NECAB1: variants seen among roughly 807,000 people sequenced by gnomAD.
NECAB1 encodes N-terminal EF-hand calcium-binding protein 1.
A neutral mutation model predicts 57.5 loss-of-function variants in NECAB1; 29 were observed. The ratio of observed to expected loss-of-function variants is 0.50; its 90% CI spans 0.38 to 0.69. The LOEUF (loss-of-function observed/expected upper bound fraction) is 0.69, where lower values mean the gene tolerates loss of function less well. NECAB1 is among the 30% of genes least tolerant of loss of function. The probability of loss-of-function intolerance (pLI) is 0.00; values close to 1 mark genes in which losing one functional copy is unlikely to be tolerated. For missense variants in NECAB1, 372 were observed against 413.8 expected, an observed-to-expected ratio of 0.90 and a Z score of 0.88; for synonymous variants, 142 against 147.7, an observed-to-expected ratio of 0.96 and a Z score of 0.28.
chr8:90,881,080 C>T lies in NECAB1; in HGVS notation c.307C>T (p.Leu103Phe), dbSNP rs1338436549. The change falls in exon 5 of 13, where the codon CTT (leucine) becomes TTT (phenylalanine). Residue 103 changes from leucine to phenylalanine, a missense_variant. Leu to Phe is a conservative substitution (Grantham distance 22). Coordinates refer to ENST00000417640, the MANE Select transcript of NECAB1 (RefSeq NM_022351.5). ...CGAGTATGAGAATGTACTAGCAGCA[C>T]TTGAAGACCTGAATCTTTCCATCCT... is the stretch of plus-strand genomic sequence containing the variant. ...LGEYENVLAA[L>F]EDLNLSILKA... is the part of the protein sequence containing the mutation. 1.2e-6 allele frequency: 2 copies of T among 1,608,038 alleles called. No individual in the cohort carries two copies. The highest frequency in any genetic ancestry group is 1.7e-6 in the Non-Finnish European group (2 of 1,177,094).
chr8:90,872,151 G>T lies in NECAB1; in HGVS notation c.257G>T (p.Cys86Phe). 1 of 1,548,518 alleles carries T rather than the reference G, an allele frequency of 6.5e-7. No homozygotes were observed. Among genetic ancestry groups the T allele is most frequent in the Non-Finnish European group, 8.7e-7 (1 of 1,144,652 alleles). ...AGTAATCTTGACACAGAAGAGCTAT[G>T]TGGTAAGTGTTTCTTTAAGATCAGT... ...NTNNLDTEEL[C>F]EYFSQHLGEY... The change falls in exon 4 of 13, where the codon TGT becomes TTT. Residue 86 changes from cysteine (C) to phenylalanine (F), a missense_variant and splice_region_variant. By Grantham distance (205) the Cys-to-Phe change is radical (BLOSUM62 -2). Transcript: ENST00000417640.
intron 5 of NECAB1, among the ~76,000 whole-genome samples, chr8:90,906,078 T>C (rs187750101): frequency 1.2e-4 from 19 of 152,312 alleles, no homozygotes; most frequent in African/African-American, 4.1e-4. Context: ...TGCGGGTAGA[T>C]TGGCATTTTT....
intron 5 of NECAB1, among the ~76,000 whole-genome samples, chr8:90,897,283 TTTG>T (rs1205503535): frequency 1.3e-5 from 2 of 152,186 alleles, no homozygotes; most frequent in African/African-American, 4.8e-5. Flanking sequence ...ATGTTTTGGT[TTTG>T]TTGTTGTTGT....
At chr8:90,940,681 G>A (rs1442602296) in intron 9 of NECAB1, 105 bp from the exon 10 acceptor site, 1 of 784,100 alleles carries the variant, frequency 1.3e-6, no homozygotes, top group Non-Finnish European at 2.1e-6. Context: ...ATTTTTGGAT[G>A]ACAATCATCT....
intron 10 of NECAB1, among the ~76,000 whole-genome samples, chr8:90,947,343 C>CAG (rs1401594520): frequency 6.7e-6 from 1 of 149,368 alleles, no homozygotes; most frequent in East Asian, 2.0e-4. Context: ...CACACACACA[C>CAG]ACACACACAA....
chr8:90,904,460 A>C (rs2130042007), intron 5 of NECAB1, among the ~76,000 whole-genome samples: 1 of 152,194 alleles, frequency 6.6e-6, no homozygotes, highest in East Asian at 1.9e-4. Context: ...CATTTAAAAA[A>C]TACAATAATT....
intron 5 of NECAB1, among the ~76,000 whole-genome samples, chr8:90,897,752 C>T (rs1486464): frequency 0.54 from 81,932 of 152,030 alleles, 26,057 homozygotes; most frequent in African/African-American, 0.87. Flanking sequence ...TGTAAATGAA[C>T]TTATTAACGT....
intron 2 of NECAB1, among the ~76,000 whole-genome samples, chr8:90,805,193 A>C (rs944630438): frequency 5.3e-5 from 8 of 152,246 alleles, no homozygotes; most frequent in African/African-American, 1.9e-4. Context: ...ATATAAAAGT[A>C]AGCATCCTTC....
intron 9 of NECAB1, among the ~76,000 whole-genome samples, chr8:90,938,217 G>T (rs1162075852): frequency 6.6e-6 from 1 of 152,064 alleles, no homozygotes; most frequent in East Asian, 1.9e-4. Flanking sequence ...TACTTACACA[G>T]CACTATTTAG....
intron 3 of NECAB1, among the ~76,000 whole-genome samples, chr8:90,835,021 TTTC>T (rs1319824927): frequency 1.3e-5 from 2 of 151,880 alleles, no homozygotes; most frequent in African/African-American, 4.8e-5. Context: ...CCGCATCGAC[TTTC>T]TTTATTAGTT....
intron 2 of NECAB1, among the ~76,000 whole-genome samples, chr8:90,814,945 G>A (rs1314401403): frequency 2.0e-5 from 3 of 152,064 alleles, no homozygotes; most frequent in Non-Finnish European, 4.4e-5. Flanking sequence ...CCATGTATAT[G>A]CACATATCTA....
chr8:90,814,560 T>C (rs1304148581), intron 2 of NECAB1, among the ~76,000 whole-genome samples: 1 of 152,210 alleles, frequency 6.6e-6, no homozygotes, highest in Non-Finnish European at 1.5e-5. Flanking sequence ...TTCACAACAT[T>C]ATGGACACAT....
intron 2 of NECAB1, among the ~76,000 whole-genome samples, chr8:90,822,446 A>T (rs930918495): frequency 6.6e-6 from 1 of 151,954 alleles, no homozygotes; most frequent in Non-Finnish European, 1.5e-5. Flanking sequence ...GCATGTGGTC[A>T]CAACAGGTTT....
intron 5 of NECAB1, among the ~76,000 whole-genome samples, chr8:90,882,373 C>T (rs1415464897): frequency 6.6e-6 from 1 of 151,318 alleles, no homozygotes; most frequent in Non-Finnish European, 1.5e-5. Flanking sequence ...AATTGGAGCA[C>T]CAGCCTAGTG....
intron 10 of NECAB1, among the ~76,000 whole-genome samples, chr8:90,942,903 CAG>C (rs1810709515): frequency 6.6e-6 from 1 of 151,976 alleles, no homozygotes; most frequent in African/African-American, 2.4e-5. Context: ...AAAATGCAAA[CAG>C]TACCTATATA....
chr8:90,878,871 C>T (rs1348860636), intron 4 of NECAB1, among the ~76,000 whole-genome samples: 2 of 150,628 alleles, frequency 1.3e-5, no homozygotes, highest in Admixed American at 1.3e-4. Flanking sequence ...GCCAAATGTC[C>T]ATGAATGAAA....
At chr8:90,949,974 C>T in intron 11 of NECAB1, 90 bp downstream of exon 11, 1 of 730,732 alleles carries the variant, frequency 1.4e-6, no homozygotes, top group Non-Finnish European at 2.3e-6. Flanking sequence ...AAGTTCCATT[C>T]TCTTTTACCT....
rs533906050 is a variant in NECAB1 at position 90,912,093 on chromosome 8, A to G, written c.358-5399A>G. Among the ~76,000 whole-genome samples the G allele has an allele frequency of 2.4e-4, 37 of 152,292 alleles. No individual in the cohort carries two copies. In the South Asian group the frequency reaches 7.2e-3, roughly 30 times the overall value. On this transcript the variant is annotated intron_variant, in intron 5 of 12. Coordinates refer to ENST00000417640, the MANE Select transcript of NECAB1 (RefSeq NM_022351.5). ...CACTACATTATGTTATTAGACACCT[A>G]TGAATGTGACCTGGGTCCTCATCTA... is the stretch of plus-strand genomic sequence containing the variant.
At position 90,843,696 on chromosome 8, in the gene NECAB1, G is replaced by T. The variant is rs989102839; in HGVS notation, c.233+18871G>T. On this transcript the variant is annotated intron_variant, in intron 3 of 12. Transcript: ENST00000417640. ...AACAGATATTTATTGAGCACTGGCT[G>T]TGGGCTAGAAACTGTGCAAATGCAA... Among the ~76,000 whole-genome samples the T allele has an allele frequency of 4.6e-5, 7 of 152,360 alleles. No homozygotes were observed. The South Asian group carries it at 8.3e-4, about 18-fold the overall frequency.
Sources: allele counts gnomAD v4.1 joint callset (sites outside exome capture counted in the v4.1 genomes callset), GRCh38; gene constraint gnomAD v4.1.1; transcripts MANE v1.5; gene names NCBI Gene and HGNC (gene_info 2026-07-23, HGNC 2026-07-21).